Variants in TRPM4 observed in about 807,000 individuals in gnomAD.
The protein encoded by TRPM4 is calcium-activated non-selective cation channel 1.
Under a neutral mutation model 135.6 loss-of-function variants are expected in TRPM4, and 124 were observed. The ratio of observed to expected loss-of-function variants is 0.91; its 90% CI spans 0.79 to 1.06. The LOEUF (loss-of-function observed/expected upper bound fraction) is 1.06, where lower values mean the gene tolerates loss of function less well. Ranked by LOEUF, TRPM4 falls within the 50% of genes least tolerant of loss-of-function variation. TRPM4 has a pLI of 0.00. For synonymous variants in TRPM4, 745 were observed against 705.6 expected (o/e 1.06, Z -0.88); for missense variants, 1,658 against 1,671.4 (o/e 0.99, Z 0.14).
At chr19:49,187,909 A>T (rs1347943764) in intron 12 of TRPM4, among the ~76,000 whole-genome samples, 1 of 152,158 alleles carries the variant, frequency 6.6e-6, no homozygotes, top group African/African-American at 2.4e-5. Context: ...TGGTTGAGCC[A>T]GACTACAGTC....
chr19:49,199,901 G>T lies in TRPM4; in HGVS notation c.2646-399G>T, dbSNP rs1600511963. On this transcript the variant is annotated intron_variant, in intron 17 of 24. Transcript: ENST00000252826. ...TAGGAATTATTGATGTTTACTGGCC[G>T]TTTGAACGTCCTCTGTGAATTGTAC... Among the ~76,000 whole-genome samples the T allele has an allele frequency of 2.6e-5, 4 of 152,268 alleles. No individual in the cohort carries two copies. The South Asian group carries it at 8.3e-4, about 32-fold the overall frequency.
intron 3 of TRPM4, among the ~76,000 whole-genome samples, chr19:49,167,111 C>T (rs111220013): frequency 2.2e-5 from 3 of 138,966 alleles, no homozygotes; most frequent in South Asian, 2.4e-4. Flanking sequence ...GGTCTCTGTC[C>T]CTCTCTCTCT....
At chr19:49,193,874 C>T (rs895665608) in intron 16 of TRPM4, among the ~76,000 whole-genome samples, 6 of 151,582 alleles carry the variant, frequency 4.0e-5, no homozygotes, top group South Asian at 4.2e-4. Context: ...TCCTCCTTGT[C>T]CTCCTCCTTG....
chr19:49,159,100 C>T (rs1600382274), intron 2 of TRPM4: 1 of 146,840 alleles, frequency 6.8e-6, no homozygotes, highest in East Asian at 2.1e-4. Flanking sequence ...GGCGCGATCT[C>T]GGCTCACTGC....
At chr19:49,208,572 C>T (rs979325022) in intron 20 of TRPM4, among the ~76,000 whole-genome samples, 1 of 151,920 alleles carries the variant, frequency 6.6e-6, no homozygotes, top group Non-Finnish European at 1.5e-5. Context: ...TTGGTTTTTC[C>T]TAGGTTATGA....
In TRPM4 at chr19:49,171,404, GAGA is replaced by G. The variant is rs988711796; in HGVS notation, c.848_850del (p.Lys283del). The G allele has an allele frequency of 1.9e-6, 3 of 1,614,002 alleles. No homozygotes were observed. The African/African-American group carries it at 4.0e-5, about 22-fold the overall frequency. On this transcript the variant is annotated inframe_deletion, in exon 7 of 25. Coordinates refer to ENST00000252826, the MANE Select transcript of TRPM4 (RefSeq NM_017636.4). This position sits in a 1 kb window ranked among gnomAD's most constrained non-coding sequence, Gnocchi z 4.7. ...CCTGCTCCTCCTGATTGATGGTGAT[GAGA>G]AGATGTTGACGGTATAGGGGCCCGG...
intron 17 of TRPM4, among the ~76,000 whole-genome samples, chr19:49,197,566 G>T (rs1968744500): frequency 6.8e-6 from 1 of 148,092 alleles, no homozygotes; most frequent in Admixed American, 6.8e-5. Context: ...TGCCCTGCCT[G>T]CATTATGGAG....
At chr19:49,198,807 C>T (rs1968799547) in intron 17 of TRPM4, among the ~76,000 whole-genome samples, 2 of 152,020 alleles carry the variant, frequency 1.3e-5, no homozygotes, top group African/African-American at 4.8e-5. Flanking sequence ...CTCTGTTGCC[C>T]AGGCTGGTCT....
chr19:49,158,510 G>A (rs2041562987), intron 2 of TRPM4: 3 of 546,264 alleles, frequency 5.5e-6, no homozygotes, highest in African/African-American at 3.8e-5. Context: ...TTTCCTCCCC[G>A]ATGTCTCTTC....
chr19:49,178,686 C>G (rs8100835), intron 9 of TRPM4, among the ~76,000 whole-genome samples: 1 of 151,722 alleles, frequency 6.6e-6, no homozygotes, highest in African/African-American at 2.4e-5. Flanking sequence ...GGGCCAGGGT[C>G]GAGTGCCCAG....
In TRPM4 at chr19:49,211,082, CG is replaced by C. The variant is rs760246049; in HGVS notation, c.3532del (p.Glu1178ArgfsTer16). 6.2e-7 allele frequency: 1 copy of C among 1,613,994 alleles called. No homozygotes were observed. The highest frequency in any genetic ancestry group is 8.5e-7 in the Non-Finnish European group (1 of 1,179,960). On this transcript the variant is annotated frameshift_variant, in exon 23 of 25. Coordinates refer to ENST00000252826, the MANE Select transcript of TRPM4 (RefSeq NM_017636.4). LOFTEE classifies it high-confidence loss of function. The surrounding 1 kb of genome is among the most constrained non-coding windows in gnomAD (Gnocchi z 4.8). Reference sequence around the variant, plus strand: ...CGAACAGCGCCTGAAAGTGCTGGAGCGGGAGGTGAGGCCTTGGGGCCTGGCT... The same window carrying C: ...CGAACAGCGCCTGAAAGTGCTGGAGCGGAGGTGAGGCCTTGGGGCCTGGCT... The part of the protein sequence containing the change: ...EYEQRLKVLE[R>X]EVQQCSRVLG...
intron 16 of TRPM4, among the ~76,000 whole-genome samples, chr19:49,193,247 A>AT (rs896475937): frequency 7.3e-5 from 11 of 151,668 alleles, no homozygotes; most frequent in Middle Eastern, 3.4e-3. Context: ...CGCCCGGCTA[A>AT]TTTTTTTGTA....
intron 17 of TRPM4, 97 bp downstream of exon 17, chr19:49,196,971 G>A: frequency 1.0e-5 from 13 of 1,288,076 alleles, no homozygotes; most frequent in Non-Finnish European, 1.4e-5. Flanking sequence ...CCGCAGCTGG[G>A]CAGCAGGTCA....
chr19:49,188,522 T>C, intron 12 of TRPM4, 119 bp from the exon 13 acceptor site: 1 of 1,386,956 alleles, frequency 7.2e-7, no homozygotes, highest in East Asian at 2.3e-5. Flanking sequence ...ACTTCATCCT[T>C]GGCCTCTGAT....
At chr19:49,193,949 TCTC>T (rs1343831736) in intron 16 of TRPM4, among the ~76,000 whole-genome samples, 10 of 123,518 alleles carry the variant, frequency 8.1e-5, no homozygotes, top group African/African-American at 1.6e-4. Flanking sequence ...TCCTCCTCCT[TCTC>T]CTCCTCTTCC....
chr19:49,191,624 C>T lies in TRPM4; in HGVS notation c.2210+851C>T, dbSNP rs527795602. Among the ~76,000 whole-genome samples the T allele has an allele frequency of 5.7e-4, 87 of 152,002 alleles. 1 individual carries two copies. Among genetic ancestry groups the T allele is most frequent in the Non-Finnish European group, 9.4e-4 (64 of 67,998 alleles). Reference sequence around the variant, plus strand: ...AAGCGATTCTCCTGCCTCAGCCTCCCGAATAGCTGGGACTACAGGAGCCCA... The same window carrying T: ...AAGCGATTCTCCTGCCTCAGCCTCCTGAATAGCTGGGACTACAGGAGCCCA... On this transcript the variant is annotated intron_variant, in intron 16 of 24. Coordinates refer to ENST00000252826, the MANE Select transcript of TRPM4 (RefSeq NM_017636.4).
chr19:49,171,727 G>T lies in TRPM4; in HGVS notation c.1008G>T (p.Arg336Ser), dbSNP rs1967467432. The T allele has an allele frequency of 1.2e-6, 2 of 1,612,838 alleles. No individual in the cohort carries two copies. Among genetic ancestry groups the T allele is most frequent in the Non-Finnish European group, 1.7e-6 (2 of 1,179,968 alleles). Residue 336 changes from arginine (R) to serine (S), a missense_variant, in exon 8 of 25, where the codon AGG (arginine) becomes AGT (serine). Arg to Ser is a moderately radical substitution (Grantham distance 110). Transcript: ENST00000252826. The surrounding 1 kb of genome is among the most constrained non-coding windows in gnomAD (Gnocchi z 4.7). The part of the protein sequence containing the change: ...ARQGEARDRI[R>S]RFFPKGDLEV... Reference sequence around the variant, plus strand: ...AAGGCGAAGCCCGAGATCGAATCAGGCGTTTCTTTCCCAAAGGGGACCTTG... The same window carrying T: ...AAGGCGAAGCCCGAGATCGAATCAGTCGTTTCTTTCCCAAAGGGGACCTTG...
At chr19:49,185,252 CTTG>C (rs149966642) in intron 12 of TRPM4, among the ~76,000 whole-genome samples, 153 of 150,712 alleles carry the variant, frequency 1.0e-3, no homozygotes, top group Non-Finnish European at 1.9e-3. Flanking sequence ...ATTTGTTGTT[CTTG>C]TTGTTGTTGT....
chr19:49,161,891 A>T (rs1966981436), intron 2 of TRPM4, among the ~76,000 whole-genome samples: 1 of 152,094 alleles, frequency 6.6e-6, no homozygotes, highest in Non-Finnish European at 1.5e-5. Context: ...GGGCCTCCCA[A>T]CGTGCTGGGA....
Sources: gnomAD v4.1 joint callset for allele counts (sites outside exome capture counted in the v4.1 genomes callset) on GRCh38, gnomAD v4.1.1 for gene constraint, Gnocchi (gnomAD v3.1) non-coding constraint, MANE v1.5 for transcripts, NCBI Gene and HGNC (gene_info 2026-07-23, HGNC 2026-07-21) for gene names.